ARHGAP6: variants seen among roughly 807,000 people sequenced by gnomAD.
ARHGAP6 encodes Rho GTPase activating protein 6.
A neutral mutation model predicts 55.7 loss-of-function variants in ARHGAP6; 16 were observed. The observed-to-expected ratio is 0.29, with a 90% CI of 0.19 to 0.44. The LOEUF is 0.44. Ranked by LOEUF, ARHGAP6 falls within the 20% of genes least tolerant of loss-of-function variation. The probability of loss-of-function intolerance (pLI) is 1.00; values close to 1 mark genes in which losing one functional copy is unlikely to be tolerated. For missense variants in ARHGAP6, 698 were observed against 808.9 expected, an observed-to-expected ratio of 0.86 and a Z score of 1.66; for synonymous variants, 382 against 360.9, an observed-to-expected ratio of 1.06 and a Z score of -0.66.
chrX:11,333,649 C>T (rs924634905), intron 1 of ARHGAP6, among the ~76,000 whole-genome samples: 28 of 112,227 alleles, frequency 2.5e-4, no homozygotes, highest in Middle Eastern at 4.6e-3. Context: ...AAGAGATAGC[C>T]TTTTCTTTTT....
intron 1 of ARHGAP6, among the ~76,000 whole-genome samples, chrX:11,456,965 G>T (rs1023978693): frequency 4.5e-5 from 5 of 111,414 alleles, no homozygotes; most frequent in African/African-American, 1.3e-4. Flanking sequence ...ACAATGCTTA[G>T]GTCTGAGGCT....
chrX:11,230,291 G>A (rs1392642116), intron 2 of ARHGAP6, among the ~76,000 whole-genome samples: 3 of 111,504 alleles, frequency 2.7e-5, no homozygotes, highest in Non-Finnish European at 1.9e-5. Flanking sequence ...TCTGTCTCCC[G>A]AGTTCAAGCG....
chrX:11,599,424 C>T (rs1189030777), intron 1 of ARHGAP6, among the ~76,000 whole-genome samples: 2 of 108,114 alleles, frequency 1.8e-5, no homozygotes, highest in African/African-American at 6.8e-5. Flanking sequence ...GTTTTATAGC[C>T]ATCACTTTAA....
chrX:11,246,957 C>T (rs2047362133), intron 2 of ARHGAP6, among the ~76,000 whole-genome samples: 1 of 112,084 alleles, frequency 8.9e-6, no homozygotes, highest in Non-Finnish European at 1.9e-5. Flanking sequence ...GTTATATAAA[C>T]ACCCAATCTC....
chrX:11,458,904 C>T (rs1205342744), intron 1 of ARHGAP6, among the ~76,000 whole-genome samples: 1 of 110,453 alleles, frequency 9.1e-6, no homozygotes, highest in Non-Finnish European at 1.9e-5. Flanking sequence ...AAAACTATAG[C>T]AGGGTAGGGA....
chrX:11,412,738 AAGCTACCACCATC>A (rs2049701532), intron 1 of ARHGAP6, among the ~76,000 whole-genome samples: 1 of 112,240 alleles, frequency 8.9e-6, no homozygotes, highest in Non-Finnish European at 1.9e-5. Context: ...GGTAATTTGG[AAGCTACCACCATC>A]ATGTATGCAT....
At chrX:11,463,244 G>T (rs2050262112) in intron 1 of ARHGAP6, among the ~76,000 whole-genome samples, 1 of 111,973 alleles carries the variant, frequency 8.9e-6, no homozygotes, top group African/African-American at 3.2e-5. Context: ...GTGTGGGTGG[G>T]GCGTGTGGAG....
At chrX:11,577,015 C>T (rs2051606899) in intron 1 of ARHGAP6, among the ~76,000 whole-genome samples, 1 of 112,155 alleles carries the variant, frequency 8.9e-6, no homozygotes, top group Admixed American at 9.4e-5. Flanking sequence ...CATCACACCT[C>T]CTTCTCTGAA....
At chrX:11,354,329 A>C (rs11797553) in intron 1 of ARHGAP6, among the ~76,000 whole-genome samples, 2,655 of 41,547 alleles carry the variant, frequency 0.064, 60 homozygotes, top group African/African-American at 0.12. Context: ...CTCTCTCTCT[A>C]TATATATATA....
chrX:11,223,751 G>A (rs28599546), intron 2 of ARHGAP6, among the ~76,000 whole-genome samples: 2 of 111,773 alleles, frequency 1.8e-5, no homozygotes, highest in Admixed American at 9.5e-5. Flanking sequence ...GAAATCTTAC[G>A]GGATGAATGG....
intron 1 of ARHGAP6, among the ~76,000 whole-genome samples, chrX:11,522,030 G>A (rs979218232): frequency 3.6e-5 from 4 of 111,543 alleles, no homozygotes; most frequent in African/African-American, 1.3e-4. Context: ...CTTTGCTGAA[G>A]TTGCTTATCA....
At chrX:11,624,521 T>C (rs1426967741) in intron 1 of ARHGAP6, among the ~76,000 whole-genome samples, 1 of 113,032 alleles carries the variant, frequency 8.8e-6, no homozygotes, top group Non-Finnish European at 1.9e-5. Flanking sequence ...AACAACTCAA[T>C]AGCAAATAAT....
Position 11,155,587 on chromosome X carries a change from T to C in ARHGAP6, c.1907+942A>G, listed in dbSNP as rs2045853290. On this transcript the variant is annotated intron_variant, in intron 10 of 12. Transcript: ENST00000337414. ...AGTGCTGGGGTTACAGGTACGGGAT[T>C]ACGTTAGGAGCTTATCATTGGTTAT... Among the ~76,000 whole-genome samples, 3 of 111,875 alleles carry C rather than the reference T, an allele frequency of 2.7e-5. No homozygotes were observed. The South Asian group carries it at 1.1e-3, about 42-fold the overall frequency.
intron 8 of ARHGAP6, among the ~76,000 whole-genome samples, chrX:11,177,030 C>T (rs1401556626): frequency 8.9e-6 from 1 of 112,168 alleles, no homozygotes; most frequent in Non-Finnish European, 1.9e-5. Context: ...TGCAGTGCAG[C>T]TGAGCTTTGT....
intron 1 of ARHGAP6, among the ~76,000 whole-genome samples, chrX:11,444,001 T>C (rs1248128765): frequency 8.9e-6 from 1 of 112,651 alleles, no homozygotes; most frequent in African/African-American, 3.2e-5. Context: ...GGAACACCTG[T>C]TCATGTGCTT....
chrX:11,408,440 G>A (rs2049636580), intron 1 of ARHGAP6, among the ~76,000 whole-genome samples: 1 of 111,749 alleles, frequency 8.9e-6, no homozygotes, highest in African/African-American at 3.3e-5. Flanking sequence ...GGGCAACAAA[G>A]TTCCTTCCAT....
chrX:11,381,963 A>C (rs2049268033), intron 1 of ARHGAP6, among the ~76,000 whole-genome samples: 1 of 112,229 alleles, frequency 8.9e-6, no homozygotes, highest in Admixed American at 9.5e-5. Flanking sequence ...GACAAGTAAC[A>C]TTAATGTTAC....
intron 1 of ARHGAP6, chrX:11,351,397 A>G: frequency 9.3e-6 from 9 of 970,306 alleles, no homozygotes; most frequent in Non-Finnish European, 1.2e-5. Context: ...AATATCCTGT[A>G]CATGAGAACA....
Position 11,489,332 on chromosome X carries a change from G to A in ARHGAP6, c.588+174909C>T, listed in dbSNP as rs745677133. 1.3e-4 allele frequency among the ~76,000 whole-genome samples: 14 copies of A among 111,902 alleles called. No homozygotes were observed. The South Asian group carries it at 5.2e-3, about 42-fold the overall frequency. On this transcript the variant is annotated intron_variant, in intron 1 of 12. Coordinates refer to ENST00000337414, the MANE Select transcript of ARHGAP6 (RefSeq NM_013427.3). Reference sequence around the variant, plus strand: ...TATGACAACAAAAGCACTAACCAAGGTGAACAATAGCAGAAGGAAAAGAAG... The same window carrying A: ...TATGACAACAAAAGCACTAACCAAGATGAACAATAGCAGAAGGAAAAGAAG...
Sources: gnomAD v4.1 joint callset for allele counts (sites outside exome capture counted in the v4.1 genomes callset) on GRCh38, gnomAD v4.1.1 for gene constraint, MANE v1.5 for transcripts, NCBI Gene and HGNC (gene_info 2026-07-23, HGNC 2026-07-21) for gene names.